Variants in LMTK2 observed in about 807,000 individuals in gnomAD.
The protein encoded by LMTK2 is serine/threonine-protein kinase LMTK2.
In LMTK2, 37 loss-of-function variants were observed where a neutral mutation model predicts 127.5. The ratio of observed to expected loss-of-function variants is 0.29; its 90% CI spans 0.22 to 0.38. The LOEUF (loss-of-function observed/expected upper bound fraction) is 0.38, where lower values mean the gene tolerates loss of function less well. LMTK2 is among the 10% of genes least tolerant of loss of function. The pLI, the probability that LMTK2 is intolerant of heterozygous loss-of-function variation, is 1.00. For missense variants in LMTK2, 1,694 were observed against 1,920.3 expected (o/e 0.88, Z 2.20); for synonymous variants, 819 against 810.1 (o/e 1.01, Z -0.19).
chr7:98,194,639 T>A lies in LMTK2; in HGVS notation c.4107+67T>A, dbSNP rs1797599371. On this transcript the variant is annotated intron_variant, in intron 11 of 13. Coordinates refer to ENST00000297293, the MANE Select transcript of LMTK2 (RefSeq NM_014916.4). The surrounding 1 kb of genome is among the most constrained non-coding windows in gnomAD (Gnocchi z 5.4). The stretch of plus-strand genomic sequence containing the variant: ...AAGGATTCCAAAATGTGCTAGGAAA[T>A]TGAGTGTGGTCTGTTTTCTAGTTGC... 1 of 1,393,532 alleles carries A rather than the reference T, an allele frequency of 7.2e-7. No individual in the cohort carries two copies. The highest frequency in any genetic ancestry group is 1.8e-4 in the Middle Eastern group (1 of 5,432). 86.3% of individuals were successfully genotyped at this position (1,393,532 alleles called of 1,614,324 possible). A position where few individuals can be genotyped will look rare whatever the true frequency, so the allele number is the denominator to read the frequency against.
At chr7:98,148,963 A>G (rs924638991) in intron 3 of LMTK2, among the ~76,000 whole-genome samples, 1 of 152,096 alleles carries the variant, frequency 6.6e-6, no homozygotes, top group Middle Eastern at 3.4e-3. Context: ...CTCCTCCAAA[A>G]TCTCACTCCC....
chr7:98,192,342 G>C lies in LMTK2; in HGVS notation c.1877G>C (p.Ser626Thr). ...SSLPGDLHVT[S>T]GPESPFNNIF... ...TTACCAGGGGACTTACACGTGACCA[G>C]TGGCCCCGAGAGCCCTTTCAACAAT... The change falls in exon 11 of 14, where the codon AGT becomes ACT. Residue 626 changes from serine (S) to threonine (T), a missense_variant. Around this residue, in one of 8 missense-constraint regions of LMTK2, gnomAD observed 527 missense variants for 539.8 expected, o/e 0.98. Coordinates refer to ENST00000297293, the MANE Select transcript of LMTK2 (RefSeq NM_014916.4). 1 of 1,576,400 alleles carries C rather than the reference G, an allele frequency of 6.3e-7. No homozygotes were observed. The highest frequency in any genetic ancestry group is 1.2e-5 in the South Asian group (1 of 82,930).
rs1797584369 is a variant in LMTK2, at chr7:98,194,011, A to G, written c.3546A>G (p.Pro1182=). The change falls in exon 11 of 14, where the codon CCA becomes CCG. Residue 1182 remains proline (P), a synonymous_variant. Coordinates refer to ENST00000297293, the MANE Select transcript of LMTK2 (RefSeq NM_014916.4). This position sits in a 1 kb window ranked among gnomAD's most constrained non-coding sequence, Gnocchi z 5.4. The stretch of plus-strand genomic sequence containing the variant: ...TGGAATTAAGAGCCACGCCGGAGCC[A>G]GCACAGACTGGTGTTCCCCAGCAGG... ...SDLELRATPE[P]AQTGVPQQVH... is the part of the protein sequence containing the mutation. The G allele has an allele frequency of 1.2e-6, 2 of 1,614,172 alleles. No homozygotes were observed. Among genetic ancestry groups the G allele is most frequent in the Non-Finnish European group, 1.7e-6 (2 of 1,180,040 alleles).
chr7:98,116,501 G>A (rs183649804), intron 1 of LMTK2, among the ~76,000 whole-genome samples: 15 of 152,030 alleles, frequency 9.9e-5, no homozygotes, highest in East Asian at 5.8e-4. Flanking sequence ...ATTCTCTTGC[G>A]GACTTGACTT....
chr7:98,189,693 G>A (rs1473458600), intron 9 of LMTK2, among the ~76,000 whole-genome samples: 1 of 152,190 alleles, frequency 6.6e-6, no homozygotes, highest in Admixed American at 6.5e-5. Context: ...GAAATGAGAG[G>A]CAGCTCCTCT....
intron 11 of LMTK2, among the ~76,000 whole-genome samples, chr7:98,202,127 T>C (rs1014353738): frequency 1.2e-4 from 19 of 152,174 alleles, no homozygotes; most frequent in African/African-American, 4.6e-4. Flanking sequence ...GGTTTTTTTT[T>C]TCTTGCTCTT....
chr7:98,175,908 G>T (rs948966927), intron 7 of LMTK2, among the ~76,000 whole-genome samples: 7 of 152,208 alleles, frequency 4.6e-5, no homozygotes, highest in Admixed American at 6.5e-5. Flanking sequence ...TAATGAACAG[G>T]TGGCTCCAGT....
chr7:98,124,235 C>T (rs1287466050), intron 1 of LMTK2, among the ~76,000 whole-genome samples: 2 of 152,198 alleles, frequency 1.3e-5, no homozygotes, highest in Non-Finnish European at 2.9e-5. Context: ...GTCCTGGCTC[C>T]ACCTGCTTTC....
At chr7:98,138,168 A>T (rs931383986) in intron 2 of LMTK2, among the ~76,000 whole-genome samples, 2 of 152,142 alleles carry the variant, frequency 1.3e-5, no homozygotes, top group Admixed American at 1.3e-4. Flanking sequence ...AAAGGAATAC[A>T]TGGGGGGGAG....
intron 7 of LMTK2, among the ~76,000 whole-genome samples, chr7:98,176,549 AAAAAAT>A (rs1797280615): frequency 6.6e-6 from 1 of 152,200 alleles, no homozygotes; most frequent in South Asian, 2.1e-4. Flanking sequence ...GGAAAAAAGA[AAAAAAT>A]AATAATAGGC....
rs886527345 is a variant in LMTK2 at position 98,133,260 on chromosome 7, G to A, written c.104-4055G>A. Among the ~76,000 whole-genome samples the A allele has an allele frequency of 3.9e-5, 6 of 152,140 alleles. No individual in the cohort carries two copies. In the East Asian group the frequency reaches 7.7e-4, roughly 20 times the overall value. On this transcript the variant is annotated intron_variant, in intron 1 of 13. Coordinates refer to ENST00000297293, the MANE Select transcript of LMTK2 (RefSeq NM_014916.4). ...TTGTTTGGTAGATGACTGGCTCGAC[G>A]TATGCCCTTCTCAGTGCTGTAGGCT...
Position 98,182,733 on chromosome 7 carries a change from G to T in LMTK2, c.792-2318G>T, listed in dbSNP as rs77450921. On this transcript the variant is annotated intron_variant, in intron 7 of 13. Transcript: ENST00000297293. ...TGTGATGCAGTGATGCCACTTATGG[G>T]CATATCCCCAAAATGGTTGAAAACA... is the stretch of plus-strand genomic sequence containing the variant. Among the ~76,000 whole-genome samples the T allele has an allele frequency of 9.5e-3, 1,452 of 152,266 alleles. 36 individuals carry two copies. Among genetic ancestry groups the T allele is most frequent in the African/African-American group, 0.034 (1,409 of 41,526 alleles).
rs1288820884 is a variant in LMTK2, at chr7:98,151,237, G to A, written c.377-145G>A. On this transcript the variant is annotated intron_variant, in intron 3 of 13. Coordinates refer to ENST00000297293, the MANE Select transcript of LMTK2 (RefSeq NM_014916.4). ...CAGTTTTAAAGCCTAAAACTGTTTT[G>A]GCATGATTCGTTTAAAAGAGGTGTT... The A allele has an allele frequency of 1.5e-5, 8 of 516,960 alleles. No individual in the cohort carries two copies. The African/African-American group carries it at 1.6e-4, about 10-fold the overall frequency. 32.0% of individuals were successfully genotyped at this position (516,960 alleles called of 1,614,324 possible). A position where few individuals can be genotyped will look rare whatever the true frequency, so the allele number is the denominator to read the frequency against.
chr7:98,187,536 T>A (rs752201651), intron 9 of LMTK2, among the ~76,000 whole-genome samples: 1 of 152,176 alleles, frequency 6.6e-6, no homozygotes, highest in Non-Finnish European at 1.5e-5. Context: ...TTTATTATTT[T>A]TTTCATTGAT....
chr7:98,138,384 A>G (rs1023315977), intron 2 of LMTK2, among the ~76,000 whole-genome samples: 3 of 152,136 alleles, frequency 2.0e-5, no homozygotes, highest in Admixed American at 2.0e-4. Flanking sequence ...CTTTACCCCA[A>G]GCCTTCTAGT....
Position 98,203,660 on chromosome 7 carries a change from C to T in LMTK2, c.4194C>T (p.Pro1398=). The T allele has an allele frequency of 6.2e-7, 1 of 1,613,744 alleles. No homozygotes were observed. Among genetic ancestry groups the T allele is most frequent in the Non-Finnish European group, 8.5e-7 (1 of 1,179,850 alleles). Residue 1398 remains proline (P), a synonymous_variant, in exon 12 of 14, where the codon CCC becomes CCT. Coordinates refer to ENST00000297293, the MANE Select transcript of LMTK2 (RefSeq NM_014916.4). ...GCCCAGCCCCAGCCTCAGGCTCTCC[C>T]TACCTGAGCAGGTGCATCAACTCCG... The part of the protein sequence containing the change: ...LSGPAPASGS[P]YLSRCINSES...
chr7:98,150,695 AG>A (rs1285573637), intron 3 of LMTK2, among the ~76,000 whole-genome samples: 1 of 152,258 alleles, frequency 6.6e-6, no homozygotes, highest in Non-Finnish European at 1.5e-5. Context: ...AATAAACTCT[AG>A]ATACACTCCA....
At chr7:98,190,977 T>C in intron 10 of LMTK2, 100 bp downstream of exon 10, 4 of 1,132,110 alleles carry the variant, frequency 3.5e-6, no homozygotes, top group Non-Finnish European at 5.2e-6. Flanking sequence ...TTTCTTCATT[T>C]CCTCTTTCAC....
intron 1 of LMTK2, among the ~76,000 whole-genome samples, chr7:98,136,544 C>T (rs903418584): frequency 6.6e-6 from 1 of 152,186 alleles, no homozygotes; most frequent in Non-Finnish European, 1.5e-5. Flanking sequence ...GTACAGCTTA[C>T]GTCCGTTCCC....
Sources: allele counts gnomAD v4.1 joint callset (sites outside exome capture counted in the v4.1 genomes callset), GRCh38; gene constraint gnomAD v4.1.1; regional missense constraint gnomAD v4.1.1; non-coding constraint Gnocchi (gnomAD v3.1); transcripts MANE v1.5; gene names NCBI Gene and HGNC (gene_info 2026-07-23, HGNC 2026-07-21).